SNX29: variants seen among roughly 807,000 people sequenced by gnomAD.
The protein encoded by SNX29 is sorting nexin 29.
In SNX29, 78 loss-of-function variants were observed where a neutral mutation model predicts 102.1. The observed-to-expected ratio is 0.76, with a 90% CI of 0.64 to 0.92. The LOEUF (loss-of-function observed/expected upper bound fraction) is 0.92, where lower values mean the gene tolerates loss of function less well. Ranked by LOEUF, SNX29 falls within the 40% of genes least tolerant of loss-of-function variation. The pLI, the probability that SNX29 is intolerant of heterozygous loss-of-function variation, is 0.00. For missense variants in SNX29, 1,280 were observed against 1,061.7 expected (o/e 1.21, Z -2.86); for synonymous variants, 580 against 414.5 (o/e 1.40, Z -4.85).
intron 1 of SNX29, chr16:11,977,381 AC>A (rs368432480): frequency 9.9e-5 from 15 of 150,846 alleles, no homozygotes; most frequent in African/African-American, 3.2e-4. Flanking sequence ...CATCCCTCCC[AC>A]CCCTGTTCCC....
chr16:12,508,243 G>A (rs2089462285), intron 19 of SNX29, among the ~76,000 whole-genome samples: 1 of 152,186 alleles, frequency 6.6e-6, no homozygotes, highest in South Asian at 2.1e-4. Context: ...GCAAGGTCAC[G>A]CATCCCCGGC....
intron 18 of SNX29, among the ~76,000 whole-genome samples, chr16:12,414,606 CT>C (rs1218078871): frequency 1.3e-4 from 20 of 152,320 alleles, no homozygotes; most frequent in African/African-American, 4.6e-4. Context: ...CTGGTCTTTT[CT>C]GCTCCCTCAC....
intron 8 of SNX29, among the ~76,000 whole-genome samples, chr16:12,059,259 G>A (rs560193266): frequency 6.6e-6 from 1 of 152,308 alleles, no homozygotes; most frequent in South Asian, 2.1e-4. Flanking sequence ...AGAAAGGACT[G>A]TCTGCTTTTG....
intron 18 of SNX29, among the ~76,000 whole-genome samples, chr16:12,468,453 C>T (rs1482360825): frequency 6.6e-6 from 1 of 152,098 alleles, no homozygotes; most frequent in Non-Finnish European, 1.5e-5. Context: ...TGTGAGCCAC[C>T]ACGCGCAACC....
At chr16:12,117,718 C>T (rs1028116855) in intron 11 of SNX29, among the ~76,000 whole-genome samples, 4 of 152,184 alleles carry the variant, frequency 2.6e-5, no homozygotes, top group African/African-American at 7.2e-5. Context: ...ACATTTTGAA[C>T]GTACTAAAGG....
intron 20 of SNX29, among the ~76,000 whole-genome samples, chr16:12,546,078 C>T (rs1159378113): frequency 1.3e-5 from 2 of 152,152 alleles, no homozygotes; most frequent in East Asian, 3.8e-4. Context: ...GTTTGAGTCC[C>T]CAGTCTCTCA....
intron 1 of SNX29, among the ~76,000 whole-genome samples, chr16:11,982,995 A>C (rs541894540): frequency 6.6e-6 from 1 of 152,004 alleles, no homozygotes; most frequent in Non-Finnish European, 1.5e-5. Context: ...CAGTGCCACT[A>C]TCTTGGCTCA....
chr16:12,319,167 GCT>G (rs2080848514), intron 15 of SNX29, among the ~76,000 whole-genome samples: 1 of 152,188 alleles, frequency 6.6e-6, no homozygotes, highest in Non-Finnish European at 1.5e-5. Flanking sequence ...AAGGGCAGTA[GCT>G]CTCTCAGCTT....
At chr16:12,166,737 C>G (rs1320125753) in intron 13 of SNX29, among the ~76,000 whole-genome samples, 1 of 152,202 alleles carries the variant, frequency 6.6e-6, no homozygotes, top group Non-Finnish European at 1.5e-5. Context: ...CCACCAGCAG[C>G]TTCAGGCATC....
chr16:12,224,645 T>C lies in SNX29; in HGVS notation c.1678+24962T>C, dbSNP rs139886093. On this transcript the variant is annotated intron_variant, in intron 14 of 20. Transcript: ENST00000566228. Reference sequence around the variant, plus strand: ...ATGGCCAAAGCTCACTGAAGAATTCTAAAGAGCCTACATGTGCAAAAGCAG... The same window carrying C: ...ATGGCCAAAGCTCACTGAAGAATTCCAAAGAGCCTACATGTGCAAAAGCAG... Among the ~76,000 whole-genome samples the C allele has an allele frequency of 4.3e-3, 653 of 152,362 alleles. 4 individuals carry two copies. Among genetic ancestry groups the C allele is most frequent in the African/African-American group, 0.015 (626 of 41,580 alleles).
chr16:12,224,573 G>A (rs1295221191), intron 14 of SNX29, among the ~76,000 whole-genome samples: 3 of 152,188 alleles, frequency 2.0e-5, no homozygotes, highest in East Asian at 1.9e-4. Flanking sequence ...TTGATCAGAG[G>A]GTTGAAGGTT....
At chr16:11,988,850 C>T (rs1484092288) in intron 1 of SNX29, among the ~76,000 whole-genome samples, 1 of 152,106 alleles carries the variant, frequency 6.6e-6, no homozygotes, top group Non-Finnish European at 1.5e-5. Flanking sequence ...TTACTGTTAT[C>T]TATGGTTGCT....
intron 20 of SNX29, among the ~76,000 whole-genome samples, chr16:12,542,108 TCCCTAAATTGAG>T (rs1484310026): frequency 1.7e-4 from 26 of 152,204 alleles, no homozygotes; most frequent in African/African-American, 5.5e-4. Flanking sequence ...TCCCAACGGA[TCCCTAAATTGAG>T]CCAGCATTTC....
intron 15 of SNX29, among the ~76,000 whole-genome samples, chr16:12,319,019 G>C (rs1375811204): frequency 6.6e-6 from 1 of 152,120 alleles, no homozygotes; most frequent in Admixed American, 6.5e-5. Context: ...CAGTAAACTT[G>C]TTTGTGGAGG....
At chr16:12,122,282 C>A (rs1424722836) in intron 11 of SNX29, among the ~76,000 whole-genome samples, 2 of 152,148 alleles carry the variant, frequency 1.3e-5, no homozygotes, top group African/African-American at 4.8e-5. Flanking sequence ...TGTGGCACAT[C>A]TGAACTTCTG....
chr16:12,430,155 A>G (rs12922243), intron 18 of SNX29, among the ~76,000 whole-genome samples: 91,652 of 152,130 alleles, frequency 0.6, 27,711 homozygotes, highest in East Asian at 0.69. Flanking sequence ...TCTAATGCCC[A>G]AAGATCTGAG....
At chr16:12,070,430 T>C (rs1038728327) in intron 10 of SNX29, among the ~76,000 whole-genome samples, 3 of 151,082 alleles carry the variant, frequency 2.0e-5, no homozygotes, top group Non-Finnish European at 4.4e-5. Context: ...ATGTGGTGTT[T>C]GGTTTTTTGT....
intron 18 of SNX29, among the ~76,000 whole-genome samples, chr16:12,411,715 G>T (rs949288871): frequency 3.9e-5 from 6 of 152,294 alleles, no homozygotes; most frequent in African/African-American, 1.4e-4. Flanking sequence ...AAGAAGGCAG[G>T]CTGTGTGGGG....
Position 12,549,677 on chromosome 16 carries a change from G to A in SNX29, c.2319-18829G>A, listed in dbSNP as rs192735832. On this transcript the variant is annotated intron_variant, in intron 20 of 20. Coordinates refer to ENST00000566228, the MANE Select transcript of SNX29 (RefSeq NM_032167.5). ...CCAGCTTGAGGCAGTCCCAAGGCCC[G>A]GCATCTTGATGTCGCAGATGCTGCT... Among the ~76,000 whole-genome samples the A allele has an allele frequency of 6.2e-3, 941 of 152,304 alleles. 14 individuals carry two copies. Among genetic ancestry groups the A allele is most frequent in the African/African-American group, 0.022 (894 of 41,576 alleles).
Sources: gnomAD v4.1 joint callset for allele counts (sites outside exome capture counted in the v4.1 genomes callset) on GRCh38, gnomAD v4.1.1 for gene constraint, MANE v1.5 for transcripts, NCBI Gene and HGNC (gene_info 2026-07-23, HGNC 2026-07-21) for gene names.